The following SMAD2 variants were observed in gnomAD, a reference collection of about 807,000 sequenced individuals.
The protein encoded by SMAD2 is MAD homolog 2.
In SMAD2, 8 loss-of-function variants were observed where a neutral mutation model predicts 64.4. That is an observed-to-expected ratio of 0.12 (90% CI 0.07 to 0.22). The LOEUF (loss-of-function observed/expected upper bound fraction) is 0.22, where lower values mean the gene tolerates loss of function less well. SMAD2 is among the 10% of genes least tolerant of loss of function. SMAD2 has a pLI of 1.00. For missense variants in SMAD2, 289 were observed against 561.2 expected, an observed-to-expected ratio of 0.51 and a Z score of 4.90; for synonymous variants, 203 against 195.8, an observed-to-expected ratio of 1.04 and a Z score of -0.31.
At chr18:47,881,038 G>A (rs1458523974) in intron 2 of SMAD2, among the ~76,000 whole-genome samples, 1 of 152,112 alleles carries the variant, frequency 6.6e-6, no homozygotes, top group Non-Finnish European at 1.5e-5. Flanking sequence ...TTTTGTGTTG[G>A]AATTTTACCT....
At chr18:47,922,059 T>C (rs1598901776) in intron 1 of SMAD2, among the ~76,000 whole-genome samples, 1 of 152,190 alleles carries the variant, frequency 6.6e-6, no homozygotes, top group South Asian at 2.1e-4. Context: ...TTAAAAAATA[T>C]GTTTGCAAAG....
chr18:47,898,249 T>G (rs1041572742), intron 1 of SMAD2, among the ~76,000 whole-genome samples: 1 of 152,226 alleles, frequency 6.6e-6, no homozygotes, highest in African/African-American at 2.4e-5. Context: ...ACAGCTTTAT[T>G]CTAAGTAATC....
rs1040261078 is a variant in SMAD2, at chr18:47,819,771, G to C, written c.*22056C>G. 2 of 143,320 alleles carry C rather than the reference G, an allele frequency of 1.4e-5. No individual in the cohort carries two copies. Among genetic ancestry groups the C allele is most frequent in the African/African-American group, 5.1e-5 (2 of 39,304 alleles). The allele number at this position is 143,320 out of a possible 1,614,324, so 8.9% of individuals were successfully genotyped here. ...AGATCACGCCACTGCACTCCAGCCTGGGTGACAGAGCGAGACTCCGTCTCA... is the reference window on the plus strand; with the variant it reads ...AGATCACGCCACTGCACTCCAGCCTCGGTGACAGAGCGAGACTCCGTCTCA... On this transcript the variant is annotated 3_prime_UTR_variant, in exon 11 of 11. Transcript: ENST00000262160.
chr18:47,849,929 C>T (rs1914934385), intron 7 of SMAD2, among the ~76,000 whole-genome samples: 1 of 151,584 alleles, frequency 6.6e-6, no homozygotes, highest in Admixed American at 6.6e-5. Context: ...ATTGCTTGAA[C>T]CCAGGAGGCA....
intron 2 of SMAD2, among the ~76,000 whole-genome samples, chr18:47,873,311 C>A (rs968454366): frequency 3.3e-5 from 5 of 151,956 alleles, no homozygotes; most frequent in Non-Finnish European, 7.4e-5. Flanking sequence ...AACTAAAGAA[C>A]ACAAAAGTGC....
rs1361107702 is a variant in SMAD2 at position 47,828,049 on chromosome 18, G to A, written c.*13778C>T. 34 of 173,102 alleles carry A rather than the reference G, an allele frequency of 2.0e-4. No individual in the cohort carries two copies. Among genetic ancestry groups the A allele is most frequent in the South Asian group, 1.9e-3 (15 of 8,062 alleles). 10.7% of individuals were successfully genotyped at this position (173,102 alleles called of 1,614,324 possible). A position where few individuals can be genotyped will look rare whatever the true frequency, so the allele number is the denominator to read the frequency against. On this transcript the variant is annotated 3_prime_UTR_variant, in exon 11 of 11. Coordinates refer to ENST00000262160, the MANE Select transcript of SMAD2 (RefSeq NM_005901.6). ...GAGATGTGGGGAGCGCCTCTGCCCCGCCGCCCCGTCTGGGATGTGAGGAGT... is the reference window on the plus strand; with the variant it reads ...GAGATGTGGGGAGCGCCTCTGCCCCACCGCCCCGTCTGGGATGTGAGGAGT...
At chr18:47,929,672 C>A (rs2034916566) in intron 1 of SMAD2, among the ~76,000 whole-genome samples, 1 of 152,122 alleles carries the variant, frequency 6.6e-6, no homozygotes, top group Admixed American at 6.5e-5. Flanking sequence ...AAAACCAACC[C>A]AGGCATTCTT....
At chr18:47,848,712 T>C (rs1164502128) in intron 7 of SMAD2, 25 bp from the exon 8 acceptor site, 1 of 1,506,384 alleles carries the variant, frequency 6.6e-7, no homozygotes, top group Non-Finnish European at 9.1e-7. Flanking sequence ...AATAAAAAAA[T>C]AATAAAAGGA....
rs1913416666 is a variant in SMAD2 at position 47,836,395 on chromosome 18, G to A, written c.*5432C>T. The stretch of plus-strand genomic sequence containing the variant: ...TCTTTGATGTTAACAAATTTTGGCT[G>A]TGATTCTTAGTTACCAAGTTGCCAA... On this transcript the variant is annotated 3_prime_UTR_variant, in exon 11 of 11. Coordinates refer to ENST00000262160, the MANE Select transcript of SMAD2 (RefSeq NM_005901.6). 1 of 221,628 alleles carries A rather than the reference G, an allele frequency of 4.5e-6. No homozygotes were observed. Among genetic ancestry groups the A allele is most frequent in the African/African-American group, 2.2e-5 (1 of 44,684 alleles). 13.7% of individuals were successfully genotyped at this position (221,628 alleles called of 1,614,324 possible).
At chr18:47,890,263 T>C (rs2033127810) in intron 2 of SMAD2, among the ~76,000 whole-genome samples, 1 of 152,212 alleles carries the variant, frequency 6.6e-6, no homozygotes, top group Admixed American at 6.5e-5. Context: ...ATAAGGCTGA[T>C]AAAAGGTCCC....
chr18:47,855,461 A>G (rs2030589069), intron 6 of SMAD2, among the ~76,000 whole-genome samples: 1 of 152,058 alleles, frequency 6.6e-6, no homozygotes, highest in Non-Finnish European at 1.5e-5. Context: ...TGGCTATACC[A>G]TTTTTCATTC....
rs1460961420 is a variant in SMAD2, at chr18:47,818,022, G to A, written c.*23805C>T. The A allele has an allele frequency of 1.3e-5, 2 of 152,226 alleles. No homozygotes were observed. Among genetic ancestry groups the A allele is most frequent in the African/African-American group, 4.8e-5 (2 of 41,458 alleles). 9.4% of individuals were successfully genotyped at this position (152,226 alleles called of 1,614,324 possible). ...AGCTATGTGGCTTTTCCTCATGCAT[G>A]TTTTTGGATCAATGACCATCATAGA... On this transcript the variant is annotated 3_prime_UTR_variant, in exon 11 of 11. Coordinates refer to ENST00000262160, the MANE Select transcript of SMAD2 (RefSeq NM_005901.6).
chr18:47,879,495 CGTGTGTGT>C lies in SMAD2; in HGVS notation c.237-8939_237-8932del, dbSNP rs58440360. ...GATTCATCCATGTTAATGTATATGA[CGTGTGTGT>C]GTGTGTGTGTGTGTGTGTGTGTGTG... On this transcript the variant is annotated intron_variant, in intron 2 of 10. Transcript: ENST00000262160. Among the ~76,000 whole-genome samples the C allele has an allele frequency of 4.0e-3, 564 of 141,442 alleles. 1 individual carries two copies. The highest frequency in any genetic ancestry group is 0.014 in the African/African-American group (533 of 38,892). 92.8% of individuals were successfully genotyped at this position (141,442 alleles called of 152,430 possible). A position where few individuals can be genotyped will look rare whatever the true frequency, so the allele number is the denominator to read the frequency against.
intron 6 of SMAD2, among the ~76,000 whole-genome samples, chr18:47,860,184 C>G (rs538793577): frequency 1.3e-5 from 2 of 152,152 alleles, no homozygotes; most frequent in African/African-American, 4.8e-5. Context: ...CTAACAAAAT[C>G]CAAGTTTATC....
At chr18:47,856,428 T>C (rs1410177182) in intron 6 of SMAD2, among the ~76,000 whole-genome samples, 3 of 152,196 alleles carry the variant, frequency 2.0e-5, no homozygotes, top group African/African-American at 7.2e-5. Flanking sequence ...CCAAATATCA[T>C]GTTATATACC....
Position 47,831,697 on chromosome 18 carries a change from T to G in SMAD2, c.*10130A>C, listed in dbSNP as rs1042503222. On this transcript the variant is annotated 3_prime_UTR_variant, in exon 11 of 11. Transcript: ENST00000262160. Reference sequence around the variant, plus strand: ...CACTGAATCTGTTATCTGCTAAGTCTGATTCAATGTTCTTGCCTTCTATTA... The same window carrying G: ...CACTGAATCTGTTATCTGCTAAGTCGGATTCAATGTTCTTGCCTTCTATTA... 5 of 152,250 alleles carry G rather than the reference T, an allele frequency of 3.3e-5. No individual in the cohort carries two copies. Among genetic ancestry groups the G allele is most frequent in the Admixed American group, 3.3e-4 (5 of 15,288 alleles). 9.4% of individuals were successfully genotyped at this position (152,250 alleles called of 1,614,324 possible).
At chr18:47,863,537 T>C (rs1286088231) in intron 6 of SMAD2, among the ~76,000 whole-genome samples, 1 of 152,092 alleles carries the variant, frequency 6.6e-6, no homozygotes, top group Non-Finnish European at 1.5e-5. Context: ...GTGCACTAAA[T>C]TAGAATCCCT....
chr18:47,846,983 T>C lies in SMAD2; in HGVS notation c.998-1183A>G, dbSNP rs553690585. On this transcript the variant is annotated intron_variant, in intron 8 of 10. Transcript: ENST00000262160. Reference sequence around the variant, plus strand: ...TGTAAAACAGTCATGCACGTGGTCATTGGGAAAACACTAAGTCCAAAAAGT... The same window carrying C: ...TGTAAAACAGTCATGCACGTGGTCACTGGGAAAACACTAAGTCCAAAAAGT... 3.0e-4 allele frequency among the ~76,000 whole-genome samples: 45 copies of C among 152,260 alleles called. 1 individual carries two copies. Among genetic ancestry groups the C allele is most frequent in the Admixed American group, 4.6e-4 (7 of 15,282 alleles).
chr18:47,898,331 T>C (rs1324989180), intron 1 of SMAD2, among the ~76,000 whole-genome samples: 1 of 152,136 alleles, frequency 6.6e-6, no homozygotes, highest in African/African-American at 2.4e-5. Context: ...GATATTAATA[T>C]GGGTTGCAGA....
Sources: gnomAD v4.1 joint callset for allele counts (sites outside exome capture counted in the v4.1 genomes callset) on GRCh38, gnomAD v4.1.1 for gene constraint, MANE v1.5 for transcripts, NCBI Gene and HGNC (gene_info 2026-07-23, HGNC 2026-07-21) for gene names.